Variants in CLEC20A observed in about 807,000 individuals in gnomAD.
The protein encoded by CLEC20A is C-type lectin domain containing 20A.
chr1:178,499,136 T>C (rs1224924981), upstream of CLEC20A, among the ~76,000 whole-genome samples: 1 of 152,142 alleles, frequency 6.6e-6, no homozygotes, highest in Non-Finnish European at 1.5e-5. Context: ...GGCCCAGCAC[T>C]CCCTGAGGGC....
chr1:178,486,727 G>A (rs1649155953), intron 5 of CLEC20A: 1 of 397,910 alleles, frequency 2.5e-6, no homozygotes, highest in Non-Finnish European at 4.4e-6. Context: ...TACTTCCTGG[G>A]GGACAGAGAG....
intron 4 of CLEC20A, among the ~76,000 whole-genome samples, chr1:178,489,535 C>T (rs1649226658): frequency 6.6e-6 from 1 of 152,134 alleles, no homozygotes; most frequent in African/African-American, 2.4e-5. Flanking sequence ...GGGCACCAGG[C>T]AGGTTTGGGA....
intron 2 of CLEC20A, 97 bp from the exon 3 acceptor site, chr1:178,492,663 C>G (rs768194053): frequency 2.5e-6 from 1 of 398,270 alleles, no homozygotes; most frequent in Non-Finnish European, 4.4e-6. Flanking sequence ...AGCTCAGGGG[C>G]AGACAGGCTG....
chr1:178,482,212 T>C (rs1355143102), intron 7 of CLEC20A, 100 bp downstream of exon 7: 1 of 397,228 alleles, frequency 2.5e-6, no homozygotes, highest in Non-Finnish European at 4.4e-6. Flanking sequence ...GATGAGGTCA[T>C]ATTCCACAGG....
chr1:178,479,791 AAATT>A, intron 7 of CLEC20A, 176 bp from the exon 8 acceptor site: 2 of 380,628 alleles, frequency 5.3e-6, no homozygotes, highest in East Asian at 7.4e-5. Context: ...GAAAATACAT[AAATT>A]AATTTTGTTA....
chr1:178,482,082 C>CAAAAAAAAA (rs1297176109), intron 7 of CLEC20A: 23 of 354,236 alleles, frequency 6.5e-5, no homozygotes, highest in African/African-American at 5.9e-4. Flanking sequence ...AACAAAAAAA[C>CAAAAAAAAA]AAAAAAACAA....
rs373315475 is a variant in CLEC20A at position 178,489,265 on chromosome 1, A to G, written c.830-666T>C. Reference sequence around the variant, plus strand: ...GTAACCCCAGCTACTTGGGAGGCTGAAGCGTGAGAATTGCTTGAACCCAGG... The same window carrying G: ...GTAACCCCAGCTACTTGGGAGGCTGGAGCGTGAGAATTGCTTGAACCCAGG... On this transcript the variant is annotated intron_variant, in intron 4 of 7. Transcript: ENST00000623247. 2.0e-3 allele frequency among the ~76,000 whole-genome samples: 297 copies of G among 152,262 alleles called. 3 individuals carry two copies. Among genetic ancestry groups the G allele is most frequent in the South Asian group, 6.2e-4 (3 of 4,824 alleles).
chr1:178,482,090 C>CAAAAAAAAAA (rs771558758), intron 7 of CLEC20A: 4 of 366,006 alleles, frequency 1.1e-5, no homozygotes, highest in African/African-American at 9.2e-5. Context: ...AACAAAAAAA[C>CAAAAAAAAAA]AACAAAAAAA....
At chr1:178,495,513 T>A (rs1424840245) in intron 1 of CLEC20A, among the ~76,000 whole-genome samples, 4 of 152,208 alleles carry the variant, frequency 2.6e-5, no homozygotes, top group South Asian at 2.1e-4. Flanking sequence ...CAGGATTTTT[T>A]AAAAGCTTTT....
intron 7 of CLEC20A, chr1:178,480,051 C>CA (rs1648924147): frequency 6.7e-6 from 1 of 149,634 alleles, no homozygotes; most frequent in African/African-American, 2.5e-5. Context: ...TCCGAAGAGC[C>CA]AGGGGGTAAG....
intron 5 of CLEC20A, among the ~76,000 whole-genome samples, chr1:178,485,579 G>A (rs114971489): frequency 1.2e-4 from 18 of 152,322 alleles, no homozygotes; most frequent in African/African-American, 4.3e-4. Context: ...TCCTGCCACA[G>A]CTCTTGGTTC....
intron 5 of CLEC20A, among the ~76,000 whole-genome samples, chr1:178,484,910 T>C (rs2101864065): frequency 6.6e-6 from 1 of 151,246 alleles, no homozygotes; most frequent in South Asian, 2.1e-4. Context: ...CAATATTCTT[T>C]CCCCACACAC....
upstream of CLEC20A, among the ~76,000 whole-genome samples, chr1:178,497,741 T>C (rs761623985): frequency 3.3e-5 from 5 of 152,180 alleles, no homozygotes; most frequent in Non-Finnish European, 7.3e-5. Context: ...CTTTTGCAAG[T>C]TGATTTTTCA....
intron 7 of CLEC20A, 43 bp from the exon 8 acceptor site, chr1:178,479,658 A>G: frequency 2.5e-6 from 1 of 398,268 alleles, no homozygotes; most frequent in Non-Finnish European, 4.4e-6. Flanking sequence ...CGGTCTTTTT[A>G]CTTCATGGTC....
chr1:178,488,159 C>T (rs2101868785), intron 5 of CLEC20A, among the ~76,000 whole-genome samples: 1 of 152,332 alleles, frequency 6.6e-6, no homozygotes, highest in East Asian at 1.9e-4. Context: ...CAGGCATCTT[C>T]CCCTCCACCT....
At chr1:178,497,296 C>G (rs1012415332), upstream of CLEC20A, 2 of 257,370 alleles carry the variant, frequency 7.8e-6, no homozygotes, top group Non-Finnish European at 1.5e-5. Context: ...CAAGGCCAGC[C>G]GTAGGAACTA....
At chr1:178,496,158 C>A (rs1025236658) in intron 1 of CLEC20A, 1 of 152,284 alleles carries the variant, frequency 6.6e-6, no homozygotes, top group Non-Finnish European at 1.5e-5. Context: ...ACGGTGTCCA[C>A]CCCTGGCACC....
intron 5 of CLEC20A, chr1:178,483,916 C>T (rs1649062578): frequency 6.6e-6 from 1 of 152,144 alleles, no homozygotes; most frequent in South Asian, 2.1e-4. Context: ...AATATGTAAG[C>T]AAATTTGTCC....
exon 2 of CLEC20A, chr1:178,494,628 C>T (rs910364971): frequency 1.8e-5 from 7 of 399,344 alleles, no homozygotes; most frequent in Non-Finnish European, 2.7e-5. Context: ...GAAGTGCTTG[C>T]GTCGAAGAAG....
Sources: allele counts gnomAD v4.1 joint callset (sites outside exome capture counted in the v4.1 genomes callset), GRCh38; gene constraint gnomAD v4.1.1; transcripts MANE v1.5; gene names NCBI Gene and HGNC (gene_info 2026-07-23, HGNC 2026-07-21).